Variants in SDK1 observed in about 807,000 individuals in gnomAD.
The protein encoded by SDK1 is protein sidekick-1.
In SDK1, 157 loss-of-function variants were observed where a neutral mutation model predicts 245.5. The observed-to-expected ratio is 0.64, with a 90% CI of 0.56 to 0.73. The LOEUF (loss-of-function observed/expected upper bound fraction) is 0.73. Ranked by LOEUF, SDK1 falls within the 30% of genes least tolerant of loss-of-function variation. The probability of loss-of-function intolerance (pLI) is 0.00; values close to 1 mark genes in which losing one functional copy is unlikely to be tolerated. For synonymous variants in SDK1, 1,647 were observed against 1,278.5 expected (o/e 1.29, Z -6.15); for missense variants, 3,583 against 3,002.3 (o/e 1.19, Z -4.52).
At chr7:3,755,049 G>C (rs1779881041) in intron 4 of SDK1, among the ~76,000 whole-genome samples, 2 of 152,204 alleles carry the variant, frequency 1.3e-5, no homozygotes, top group African/African-American at 4.8e-5. Context: ...AGAACAAACA[G>C]AGGCTATTTA....
At position 4,210,093 on chromosome 7, in the gene SDK1, G is replaced by A. The variant is rs376337911; in HGVS notation, c.5470G>A (p.Glu1824Lys). ...CACCACGCTCAACGTGTCCTGGGGC[G>A]AGCCTGCGGCGGCCAACGGCATCCT... ...TSTTLNVSWGEPAAANGILQG... is the reference protein window; with the variant it reads ...TSTTLNVSWGKPAAANGILQG... The change falls in exon 38 of 45, where the codon GAG becomes AAG. Residue 1824 changes from glutamate to lysine, a missense_variant. By Grantham distance (56) the Glu-to-Lys change is moderately conservative (BLOSUM62 1). Transcript: ENST00000404826. The A allele has an allele frequency of 7.3e-5, 118 of 1,610,148 alleles. No individual in the cohort carries two copies. Among genetic ancestry groups the A allele is most frequent in the Middle Eastern group, 1.6e-4 (1 of 6,064 alleles).
chr7:3,700,296 T>A (rs555441510), intron 4 of SDK1, among the ~76,000 whole-genome samples: 1 of 152,196 alleles, frequency 6.6e-6, no homozygotes, highest in Non-Finnish European at 1.5e-5. Context: ...AGCAGAAATA[T>A]AGATAAATAG....
At chr7:4,062,366 T>C (rs367581872) in intron 19 of SDK1, among the ~76,000 whole-genome samples, 24 of 151,972 alleles carry the variant, frequency 1.6e-4, no homozygotes, top group African/African-American at 5.1e-4. Context: ...CTAGGAGAAA[T>C]GGATAAATTC....
intron 1 of SDK1, among the ~76,000 whole-genome samples, chr7:3,538,565 C>T (rs1404157182): frequency 2.6e-5 from 4 of 152,204 alleles, no homozygotes; most frequent in Admixed American, 6.5e-5. Context: ...AATCTCCCCA[C>T]TTACCTAGGC....
chr7:3,390,691 C>G (rs75139464), intron 1 of SDK1, among the ~76,000 whole-genome samples: 3 of 152,018 alleles, frequency 2.0e-5, no homozygotes, highest in African/African-American at 7.3e-5. Context: ...GTTATGCTGC[C>G]GAAGTCAATA....
intron 40 of SDK1, among the ~76,000 whole-genome samples, chr7:4,227,770 G>A (rs144934438): frequency 1.3e-5 from 2 of 152,344 alleles, no homozygotes; most frequent in East Asian, 1.9e-4. Flanking sequence ...TAAATTGAGT[G>A]CAGACCCTTC....
At chr7:3,873,499 A>G (rs1054926988) in intron 5 of SDK1, among the ~76,000 whole-genome samples, 1 of 152,072 alleles carries the variant, frequency 6.6e-6, no homozygotes, top group Admixed American at 6.5e-5. Flanking sequence ...CTAATTTTGG[A>G]AAATCCTAGC....
In SDK1 at chr7:3,715,648, A is replaced by G. The variant is rs138385875; in HGVS notation, c.713+73543A>G. ...AGCCCAAAAAAGTAGGCAAAGTCCT[A>G]TACCCTAAACCCATCAGGCAACTGC... On this transcript the variant is annotated intron_variant, in intron 4 of 44. Coordinates refer to ENST00000404826, the MANE Select transcript of SDK1 (RefSeq NM_152744.4). Among the ~76,000 whole-genome samples the G allele has an allele frequency of 1.5e-4, 23 of 152,372 alleles. No homozygotes were observed. In the East Asian group the frequency reaches 4.2e-3, roughly 28 times the overall value.
intron 2 of SDK1, among the ~76,000 whole-genome samples, chr7:3,633,227 A>G (rs760396442): frequency 2.6e-5 from 4 of 152,206 alleles, no homozygotes; most frequent in Non-Finnish European, 5.9e-5. Context: ...AAAGTGACAT[A>G]AAATGGATAT....
intron 5 of SDK1, among the ~76,000 whole-genome samples, chr7:3,856,130 G>A (rs1780539596): frequency 6.6e-6 from 1 of 152,114 alleles, no homozygotes; most frequent in South Asian, 2.1e-4. Context: ...TAAAGAAAAT[G>A]CATACTAATT....
At chr7:3,771,370 G>A (rs79815514) in intron 4 of SDK1, among the ~76,000 whole-genome samples, 1,914 of 152,246 alleles carry the variant, frequency 0.013, 26 homozygotes, top group African/African-American at 0.032. Flanking sequence ...AGGAAAGGAC[G>A]TGCTTCCTGA....
Position 4,241,798 on chromosome 7 carries a change from G to C in SDK1, c.6136G>C (p.Gly2046Arg). Residue 2046 changes from glycine (G) to arginine (R), a missense_variant, in exon 43 of 45, where the codon GGG becomes CGG. Gly to Arg is a moderately radical substitution (Grantham distance 125). Coordinates refer to ENST00000404826, the MANE Select transcript of SDK1 (RefSeq NM_152744.4). ...ACTCTCCTGCTGGGCTTTAGGAAAG[G>C]GGATCTCCACCATGGAGGAGTCTGT... ...KKYKNCSTGK[G>R]ISTMEESVTL... 6.2e-7 allele frequency: 1 copy of C among 1,614,138 alleles called. No individual in the cohort carries two copies. Among genetic ancestry groups the C allele is most frequent in the Non-Finnish European group, 8.5e-7 (1 of 1,180,022 alleles).
intron 1 of SDK1, among the ~76,000 whole-genome samples, chr7:3,587,163 A>G (rs1485879775): frequency 6.6e-6 from 1 of 152,180 alleles, no homozygotes; most frequent in African/African-American, 2.4e-5. Flanking sequence ...GGACCTAGGG[A>G]AAAGGAAAGA....
At chr7:4,233,872 G>A (rs889264288) in intron 41 of SDK1, among the ~76,000 whole-genome samples, 1 of 152,136 alleles carries the variant, frequency 6.6e-6, no homozygotes, top group Non-Finnish European at 1.5e-5. Flanking sequence ...TTGTGTCCAC[G>A]CTGTGCACCG....
At chr7:3,559,465 G>A (rs913218937) in intron 1 of SDK1, among the ~76,000 whole-genome samples, 5 of 152,106 alleles carry the variant, frequency 3.3e-5, no homozygotes, top group African/African-American at 1.2e-4. Context: ...GGAGAAAGAT[G>A]AATGTTTCAA....
chr7:4,069,726 T>C (rs1780125605), intron 20 of SDK1, among the ~76,000 whole-genome samples: 1 of 152,232 alleles, frequency 6.6e-6, no homozygotes, highest in African/African-American at 2.4e-5. Context: ...TTCTCCGCAC[T>C]GGCGTCCTGG....
intron 1 of SDK1, among the ~76,000 whole-genome samples, chr7:3,319,771 C>A (rs138546099): frequency 8.5e-4 from 129 of 150,986 alleles, no homozygotes; most frequent in African/African-American, 3.0e-3. Flanking sequence ...TTTTGAAATA[C>A]ATTTGAAATG....
intron 1 of SDK1, among the ~76,000 whole-genome samples, chr7:3,395,937 TTC>T (rs1416148060): frequency 2.0e-5 from 3 of 151,874 alleles, no homozygotes; most frequent in Non-Finnish European, 4.4e-5. Context: ...TCTGTTGTTT[TTC>T]TGTTTTACAT....
rs538594410 is a variant in SDK1 at position 3,847,560 on chromosome 7, G to A, written c.847+25977G>A. Among the ~76,000 whole-genome samples, 20 of 152,316 alleles carry A rather than the reference G, an allele frequency of 1.3e-4. No individual in the cohort carries two copies. In the East Asian group the frequency reaches 3.9e-3, roughly 29 times the overall value. On this transcript the variant is annotated intron_variant, in intron 5 of 44. Coordinates refer to ENST00000404826, the MANE Select transcript of SDK1 (RefSeq NM_152744.4). ...TTGCAAAGCCGGCCTTCCTCCTCTTGCCTGCTTCTCACGCTGGTCTTTGTT... is the reference window on the plus strand; with the variant it reads ...TTGCAAAGCCGGCCTTCCTCCTCTTACCTGCTTCTCACGCTGGTCTTTGTT...
Sources: gnomAD v4.1 joint callset for allele counts (sites outside exome capture counted in the v4.1 genomes callset) on GRCh38, gnomAD v4.1.1 for gene constraint, MANE v1.5 for transcripts, NCBI Gene and HGNC (gene_info 2026-07-23, HGNC 2026-07-21) for gene names.